The following HMGB1 variants were observed in gnomAD, a reference collection of about 807,000 sequenced individuals.
HMGB1 encodes the protein high mobility group box 1, also known as high mobility group protein B1.
For missense variants in HMGB1, 79 were observed against 253.5 expected, an observed-to-expected ratio of 0.31 and a Z score of 4.67; for synonymous variants, 81 against 84.0, an observed-to-expected ratio of 0.96 and a Z score of 0.19.
intron 1 of HMGB1, among the ~76,000 whole-genome samples, chr13:30,528,804 T>G (rs1353624486): frequency 6.6e-6 from 1 of 151,920 alleles, no homozygotes. Context: ...CGAGGTGGGC[T>G]GATCACGAGG....
At chr13:30,598,969 T>C (rs1208084672) in intron 1 of HMGB1, among the ~76,000 whole-genome samples, 3 of 152,056 alleles carry the variant, frequency 2.0e-5, no homozygotes, top group South Asian at 2.1e-4. Flanking sequence ...TGTGTGTGTA[T>C]GTGTGTGTAT....
At chr13:30,557,355 G>A (rs148326152) in intron 1 of HMGB1, among the ~76,000 whole-genome samples, 2 of 152,064 alleles carry the variant, frequency 1.3e-5, no homozygotes, top group South Asian at 2.1e-4. Context: ...CCTCCTCAAC[G>A]CGAGTTCCAG....
chr13:30,488,594 C>A (rs1265392459), intron 1 of HMGB1, among the ~76,000 whole-genome samples: 1 of 151,494 alleles, frequency 6.6e-6, no homozygotes, highest in Non-Finnish European at 1.5e-5. Context: ...AGCGATCCTC[C>A]CATCTGAGCC....
chr13:30,598,177 C>T (rs1479952302), intron 1 of HMGB1, among the ~76,000 whole-genome samples: 1 of 152,212 alleles, frequency 6.6e-6, no homozygotes, highest in Non-Finnish European at 1.5e-5. Flanking sequence ...TTCTAATAGA[C>T]ACATACCCCA....
chr13:30,572,411 A>G (rs1278501691), intron 1 of HMGB1, among the ~76,000 whole-genome samples: 2 of 152,248 alleles, frequency 1.3e-5, no homozygotes, highest in Non-Finnish European at 2.9e-5. Flanking sequence ...GTTATTTATT[A>G]TGAAATTTCA....
At chr13:30,538,761 C>G (rs1008794651) in intron 1 of HMGB1, among the ~76,000 whole-genome samples, 1 of 126,816 alleles carries the variant, frequency 7.9e-6, no homozygotes, top group Non-Finnish European at 1.7e-5. Context: ...CTTTCTTTCT[C>G]TTTCTCTCTC....
At chr13:30,582,621 G>C (rs1260709396) in intron 1 of HMGB1, among the ~76,000 whole-genome samples, 2 of 151,158 alleles carry the variant, frequency 1.3e-5, no homozygotes, top group African/African-American at 4.9e-5. Context: ...CTGGGTGACA[G>C]AGCAAGACTC....
chr13:30,459,201 T>C lies in HMGB1; in HGVS notation c.*2156A>G, dbSNP rs7337469. ...TTATCTAAATTGCCTCCCACTTCCA[T>C]TTACTTGAGTTTTAGACATCCAACT... On this transcript the variant is annotated 3_prime_UTR_variant, in exon 5 of 5. Transcript: ENST00000341423. 1.3e-5 allele frequency: 2 copies of C among 152,150 alleles called. No homozygotes were observed. The highest frequency in any genetic ancestry group is 4.8e-5 in the African/African-American group (2 of 41,412). 9.4% of individuals were successfully genotyped at this position (152,150 alleles called of 1,614,324 possible). A position where few individuals can be genotyped will look rare whatever the true frequency, so the allele number is the denominator to read the frequency against.
At chr13:30,529,101 C>G (rs1888441397) in intron 1 of HMGB1, among the ~76,000 whole-genome samples, 1 of 149,128 alleles carries the variant, frequency 6.7e-6, no homozygotes, top group Non-Finnish European at 1.5e-5. Flanking sequence ...GAATCACATC[C>G]TTTATAATTC....
intron 1 of HMGB1, among the ~76,000 whole-genome samples, chr13:30,522,149 G>A (rs905430575): frequency 1.6e-5 from 2 of 125,954 alleles, no homozygotes; most frequent in Non-Finnish European, 3.2e-5. Flanking sequence ...GTCTTGCTCT[G>A]TCACCCAGGT....
At chr13:30,524,958 TAAAC>T (rs1424432888) in intron 1 of HMGB1, among the ~76,000 whole-genome samples, 1 of 152,156 alleles carries the variant, frequency 6.6e-6, no homozygotes, top group African/African-American at 2.4e-5. Context: ...AAATAAGTAT[TAAAC>T]AAACAAATAC....
intron 1 of HMGB1, among the ~76,000 whole-genome samples, chr13:30,603,330 C>T (rs1351456459): frequency 6.6e-6 from 1 of 152,170 alleles, no homozygotes; most frequent in Admixed American, 6.5e-5. Context: ...GGCAGAATCT[C>T]CTCTTGGAAG....
At position 30,458,284 on chromosome 13, in the gene HMGB1, A is replaced by T. The variant is rs1304905126; in HGVS notation, c.*3073T>A. ...CATCAAGGACTATGTGATGTCAAGCAAGGCAGTACCCATGTATTTCATTCA... is the reference window on the plus strand; with the variant it reads ...CATCAAGGACTATGTGATGTCAAGCTAGGCAGTACCCATGTATTTCATTCA... On this transcript the variant is annotated 3_prime_UTR_variant, in exon 5 of 5. Transcript: ENST00000341423. 1 of 151,920 alleles carries T rather than the reference A, an allele frequency of 6.6e-6. No homozygotes were observed. The highest frequency in any genetic ancestry group is 1.5e-5 in the Non-Finnish European group (1 of 68,038). 9.4% of individuals were successfully genotyped at this position (151,920 alleles called of 1,614,324 possible). A position where few individuals can be genotyped will look rare whatever the true frequency, so the allele number is the denominator to read the frequency against.
At chr13:30,505,447 G>T (rs1260470847) in intron 1 of HMGB1, among the ~76,000 whole-genome samples, 1 of 151,860 alleles carries the variant, frequency 6.6e-6, no homozygotes, top group Non-Finnish European at 1.5e-5. Flanking sequence ...CAAAGTGCTG[G>T]GATTACAGGT....
At chr13:30,571,600 G>T (rs549454362) in intron 1 of HMGB1, among the ~76,000 whole-genome samples, 3 of 152,186 alleles carry the variant, frequency 2.0e-5, no homozygotes, top group African/African-American at 7.2e-5. Flanking sequence ...AGCCTAAATG[G>T]CCAAGTTTTA....
chr13:30,599,613 CT>C (rs2137562007), intron 1 of HMGB1, among the ~76,000 whole-genome samples: 1 of 152,324 alleles, frequency 6.6e-6, no homozygotes, highest in South Asian at 2.1e-4. Context: ...GGCCTCTCTC[CT>C]TAACTTGCAG....
At chr13:30,615,040 T>G (rs1950547628) in intron 1 of HMGB1, among the ~76,000 whole-genome samples, 1 of 151,966 alleles carries the variant, frequency 6.6e-6, no homozygotes, top group Non-Finnish European at 1.5e-5. Context: ...AATTTTAGAG[T>G]CTAATGTATA....
At chr13:30,512,682 C>A (rs1888018098) in intron 1 of HMGB1, among the ~76,000 whole-genome samples, 1 of 152,178 alleles carries the variant, frequency 6.6e-6, no homozygotes, top group Admixed American at 6.5e-5. Context: ...AGAAATGGAG[C>A]CGCTTCCACT....
intron 1 of HMGB1, among the ~76,000 whole-genome samples, chr13:30,475,138 C>CT (rs71093064): frequency 0.017 from 435 of 26,050 alleles, 40 homozygotes; most frequent in African/African-American, 0.033. Context: ...CTCTCTCTCT[C>CT]TTTTTTTTTT....
Sources: allele counts gnomAD v4.1 joint callset (sites outside exome capture counted in the v4.1 genomes callset), GRCh38; gene constraint gnomAD v4.1.1; transcripts MANE v1.5; gene names NCBI Gene and HGNC (gene_info 2026-07-23, HGNC 2026-07-21).